L3MBTL4: variants seen among roughly 807,000 people sequenced by gnomAD.
L3MBTL4 encodes lethal(3)malignant brain tumor-like protein 4.
L3MBTL4 carries 70 observed loss-of-function variants against 84.5 expected under a neutral mutation model. The ratio of observed to expected loss-of-function variants is 0.83; its 90% CI spans 0.68 to 1.01. L3MBTL4 has a LOEUF of 1.01. Ranked by LOEUF, L3MBTL4 falls within the 50% of genes least tolerant of loss-of-function variation. L3MBTL4 has a pLI of 0.00. For synonymous variants in L3MBTL4, 274 were observed against 259.8 expected, an observed-to-expected ratio of 1.05 and a Z score of -0.52; for missense variants, 715 against 754.8, an observed-to-expected ratio of 0.95 and a Z score of 0.62.
At chr18:6,229,105 T>A (rs545053528) in intron 10 of L3MBTL4, among the ~76,000 whole-genome samples, 1 of 152,296 alleles carries the variant, frequency 6.6e-6, no homozygotes, top group African/African-American at 2.4e-5. Flanking sequence ...AAATTAAATA[T>A]TAATGTTGGA....
At chr18:6,197,268 T>G (rs2045443969) in intron 12 of L3MBTL4, among the ~76,000 whole-genome samples, 1 of 152,122 alleles carries the variant, frequency 6.6e-6, no homozygotes, top group African/African-American at 2.4e-5. Flanking sequence ...CCTCCCCACA[T>G]CCAACCCCTG....
intron 1 of L3MBTL4, among the ~76,000 whole-genome samples, chr18:6,321,443 G>A (rs1428722190): frequency 1.3e-5 from 2 of 152,066 alleles, no homozygotes; most frequent in Non-Finnish European, 2.9e-5. Context: ...GTGGAAAGAG[G>A]ACATTTATAC....
At chr18:6,199,812 T>C (rs762450621) in intron 12 of L3MBTL4, among the ~76,000 whole-genome samples, 3 of 152,154 alleles carry the variant, frequency 2.0e-5, no homozygotes, top group Admixed American at 6.5e-5. Flanking sequence ...AAAGAAGTAA[T>C]GTTGTAGCAC....
At chr18:6,144,664 T>C (rs2042572774) in intron 13 of L3MBTL4, among the ~76,000 whole-genome samples, 1 of 152,174 alleles carries the variant, frequency 6.6e-6, no homozygotes. Flanking sequence ...ACACACACCC[T>C]CATTCCCAGC....
At chr18:6,062,425 T>C (rs2057254774) in intron 16 of L3MBTL4, among the ~76,000 whole-genome samples, 2 of 151,994 alleles carry the variant, frequency 1.3e-5, no homozygotes, top group Non-Finnish European at 2.9e-5. Flanking sequence ...TTTGATTTTG[T>C]ATAGTGTGAA....
intron 4 of L3MBTL4, among the ~76,000 whole-genome samples, chr18:6,281,010 G>A (rs2049297234): frequency 6.6e-6 from 1 of 151,848 alleles, no homozygotes; most frequent in Admixed American, 6.6e-5. Flanking sequence ...TGCTTGAGCC[G>A]CTATGTCTGT....
In L3MBTL4 at chr18:6,016,682, CA is replaced by C. The variant is rs566736161; in HGVS notation, c.1445-47121del. Among the ~76,000 whole-genome samples, 7 of 152,328 alleles carry C rather than the reference CA, an allele frequency of 4.6e-5. No homozygotes were observed. In the East Asian group the frequency reaches 1.4e-3, roughly 29 times the overall value. ...CTATTATACCACTCTGCATGCTTGG[CA>C]AACAGGTGATTTAACTAATAGCATG... On this transcript the variant is annotated intron_variant, in intron 16 of 18. Transcript: ENST00000317931.
intron 4 of L3MBTL4, among the ~76,000 whole-genome samples, chr18:6,285,623 A>C (rs1419581743): frequency 6.6e-6 from 1 of 151,876 alleles, no homozygotes; most frequent in Non-Finnish European, 1.5e-5. Flanking sequence ...ATTGCTCCAA[A>C]GATGTAATTC....
chr18:6,336,619 G>A (rs565541544), intron 1 of L3MBTL4, among the ~76,000 whole-genome samples: 2 of 152,272 alleles, frequency 1.3e-5, no homozygotes, highest in African/African-American at 4.8e-5. Flanking sequence ...ATAGACTGAG[G>A]CTTACAGAAA....
chr18:6,048,900 T>G (rs1245073324), intron 16 of L3MBTL4, among the ~76,000 whole-genome samples: 1 of 152,018 alleles, frequency 6.6e-6, no homozygotes, highest in Non-Finnish European at 1.5e-5. Flanking sequence ...CTTTATTCAG[T>G]AAAGCTGGGA....
At chr18:6,158,455 G>C (rs1434489935) in intron 13 of L3MBTL4, among the ~76,000 whole-genome samples, 1 of 152,102 alleles carries the variant, frequency 6.6e-6, no homozygotes, top group Non-Finnish European at 1.5e-5. Flanking sequence ...GCCTTAGGGT[G>C]GAAAGAGTTT....
chr18:6,238,556 C>CA (rs1484629285), intron 9 of L3MBTL4, among the ~76,000 whole-genome samples: 1 of 151,890 alleles, frequency 6.6e-6, no homozygotes, highest in African/African-American at 2.4e-5. Context: ...ATAAAATTAA[C>CA]AGAGGATTGC....
intron 17 of L3MBTL4, among the ~76,000 whole-genome samples, chr18:5,964,324 T>C (rs757543994): frequency 1.4e-4 from 22 of 152,172 alleles, no homozygotes; most frequent in Non-Finnish European, 1.8e-4. Context: ...TTCCCTGGCA[T>C]CATCGCTGGA....
intron 1 of L3MBTL4, among the ~76,000 whole-genome samples, chr18:6,368,293 G>A (rs1386441281): frequency 1.3e-5 from 2 of 152,000 alleles, no homozygotes; most frequent in African/African-American, 4.8e-5. Context: ...CTTGGGGTGC[G>A]AGCAAGGGAG....
intron 16 of L3MBTL4, among the ~76,000 whole-genome samples, chr18:5,990,950 T>A (rs1407472996): frequency 6.6e-6 from 1 of 152,172 alleles, no homozygotes; most frequent in East Asian, 1.9e-4. Flanking sequence ...CCTCTCTGAT[T>A]CACTCATCTG....
At chr18:6,337,750 T>C (rs183896889) in intron 1 of L3MBTL4, among the ~76,000 whole-genome samples, 2 of 152,126 alleles carry the variant, frequency 1.3e-5, no homozygotes, top group African/African-American at 2.4e-5. Flanking sequence ...CAGATATATG[T>C]TTAAGTTCAG....
At chr18:6,127,733 G>C (rs1236082402) in intron 14 of L3MBTL4, among the ~76,000 whole-genome samples, 1 of 152,168 alleles carries the variant, frequency 6.6e-6, no homozygotes, top group Non-Finnish European at 1.5e-5. Context: ...AACACACCAG[G>C]AAAAGTTTGG....
At chr18:6,314,196 C>T (rs1487352109) in intron 1 of L3MBTL4, among the ~76,000 whole-genome samples, 1 of 152,130 alleles carries the variant, frequency 6.6e-6, no homozygotes, top group Non-Finnish European at 1.5e-5. Context: ...TTGAAATAAA[C>T]CTAACTTGAT....
At chr18:6,413,090 A>C (rs907904981) in intron 1 of L3MBTL4, among the ~76,000 whole-genome samples, 1 of 152,156 alleles carries the variant, frequency 6.6e-6, no homozygotes, top group African/African-American at 2.4e-5. Flanking sequence ...ATCTCTAAAA[A>C]ATAAAAATAA....
Sources: gnomAD v4.1 joint callset for allele counts (sites outside exome capture counted in the v4.1 genomes callset) on GRCh38, gnomAD v4.1.1 for gene constraint, MANE v1.5 for transcripts, NCBI Gene and HGNC (gene_info 2026-07-23, HGNC 2026-07-21) for gene names.